The following TPR variants were observed in gnomAD, a reference collection of about 807,000 sequenced individuals.
TPR encodes translocated promoter region, nuclear basket protein.
In TPR, 51 loss-of-function variants were observed where a neutral mutation model predicts 316.1. The observed-to-expected ratio is 0.16, with a 90% CI of 0.13 to 0.20. The LOEUF (loss-of-function observed/expected upper bound fraction) is 0.20, where lower values mean the gene tolerates loss of function less well. TPR is among the 10% of genes least tolerant of loss of function. TPR has a pLI of 1.00. For missense variants in TPR, 2,272 were observed against 2,754.8 expected (o/e 0.82, Z 3.92); for synonymous variants, 981 against 914.7 (o/e 1.07, Z -1.31).
At chr1:186,369,642 G>T (rs1659458981) in intron 3 of TPR, among the ~76,000 whole-genome samples, 1 of 151,910 alleles carries the variant, frequency 6.6e-6, no homozygotes, top group East Asian at 1.9e-4. Context: ...GGTTTTTGTG[G>T]AATCTTTCAG....
At chr1:186,333,493 T>G (rs112917946) in intron 36 of TPR, 99 bp from the exon 37 acceptor site, 1 of 1,454,922 alleles carries the variant, frequency 6.9e-7, no homozygotes, top group East Asian at 2.3e-5. Context: ...TCACACAGAT[T>G]TGGCACTTGG....
At position 186,357,643 on chromosome 1, in the gene TPR, A is replaced by G; in HGVS notation, c.1498-20T>C. On this transcript the variant is annotated intron_variant, in intron 13 of 50. Transcript: ENST00000367478. The stretch of plus-strand genomic sequence containing the variant: ...TCTAATCTAAAAACAAAGTTTTAAT[A>G]TGTTATAAAATAGTATTAGTTACAA... The G allele has an allele frequency of 6.3e-7, 1 of 1,591,958 alleles. No homozygotes were observed. The highest frequency in any genetic ancestry group is 8.6e-7 in the Non-Finnish European group (1 of 1,166,600).
rs768003022 is a variant in TPR at position 186,363,007 on chromosome 1, G to T, written c.532-6C>A. 2.0e-5 allele frequency: 32 copies of T among 1,591,106 alleles called. No individual in the cohort carries two copies. The Admixed American group carries it at 5.5e-4, about 27-fold the overall frequency. On this transcript the variant is annotated splice_polypyrimidine_tract_variant and splice_region_variant and intron_variant, in intron 5 of 50. Coordinates refer to ENST00000367478, the MANE Select transcript of TPR (RefSeq NM_003292.3). ...TCCAAGCGTTTTTCTCGATACTAAA[G>T]AAATCCAAGAAAATAACACGTACAG...
At position 186,355,449 on chromosome 1, in the gene TPR, T is replaced by C. The variant is rs1183480002; in HGVS notation, c.2132A>G (p.Asn711Ser). 1 of 1,611,674 alleles carries C rather than the reference T, an allele frequency of 6.2e-7. No homozygotes were observed. Among genetic ancestry groups the C allele is most frequent in the Admixed American group, 1.7e-5 (1 of 59,498 alleles). The part of the protein sequence containing the change: ...QEQVTDLRSQ[N>S]TKISTQLDFA... ...ATCTAGCTGGGTAGAAATTTTGGTA[T>C]TTTGTGATCGCAAATCTGTAACTTG... The change falls in exon 17 of 51, where the codon AAT (asparagine) becomes AGT (serine). Residue 711 changes from asparagine to serine, a missense_variant. By Grantham distance (46) the Asn-to-Ser change is conservative (BLOSUM62 1). Around this residue, in one of 10 missense-constraint regions of TPR, gnomAD observed 757 missense variants for 859.8 expected, o/e 0.88. Coordinates refer to ENST00000367478, the MANE Select transcript of TPR (RefSeq NM_003292.3).
At chr1:186,360,239 A>G (rs1659142872) in intron 11 of TPR, 34 bp downstream of exon 11, 1 of 1,592,324 alleles carries the variant, frequency 6.3e-7, no homozygotes, top group African/African-American at 1.4e-5. Context: ...TTGCTGAAGA[A>G]AAAGAATTTA....
At chr1:186,371,107 T>G in intron 2 of TPR, 64 bp from the exon 3 acceptor site, 3 of 1,206,036 alleles carry the variant, frequency 2.5e-6, no homozygotes, top group Non-Finnish European at 3.7e-6. Flanking sequence ...AGTGTTTTTA[T>G]GCAACTGCCA....
intron 37 of TPR, among the ~76,000 whole-genome samples, chr1:186,332,647 T>C (rs1658201048): frequency 1.3e-5 from 2 of 152,162 alleles, no homozygotes; most frequent in South Asian, 2.1e-4. Context: ...TGTATTACTA[T>C]GTTGTTATCT....
intron 49 of TPR, among the ~76,000 whole-genome samples, chr1:186,315,046 C>T (rs1468449291): frequency 5.3e-5 from 8 of 151,742 alleles, no homozygotes; most frequent in Admixed American, 4.6e-4. Flanking sequence ...AACATGCCTA[C>T]AGTCCCAGTT....
chr1:186,321,614 C>T (rs1657779049), intron 45 of TPR, among the ~76,000 whole-genome samples: 1 of 152,184 alleles, frequency 6.6e-6, no homozygotes, highest in Non-Finnish European at 1.5e-5. Flanking sequence ...TGAAAATGCT[C>T]AATAAATGCT....
At position 186,313,562 on chromosome 1, in the gene TPR, A is replaced by G; in HGVS notation, c.*409T>C. 1.5e-6 allele frequency: 1 copy of G among 667,198 alleles called. No individual in the cohort carries two copies. Among genetic ancestry groups the G allele is most frequent in the African/African-American group, 1.8e-5 (1 of 55,018 alleles). The allele number at this position is 667,198 out of a possible 1,614,324, so 41.3% of individuals were successfully genotyped here. ...TGTTATAAAGTTCAAATTAATTAGT[A>G]AAAACATCTCTATTAAAATGATAAA... On this transcript the variant is annotated 3_prime_UTR_variant, in exon 51 of 51. Transcript: ENST00000367478.
intron 9 of TPR, among the ~76,000 whole-genome samples, chr1:186,361,260 T>TA (rs1486914896): frequency 6.6e-6 from 1 of 151,726 alleles, no homozygotes; most frequent in Non-Finnish European, 1.5e-5. Context: ...TTTGAGGAAA[T>TA]AAAAGACTTT....
chr1:186,338,397 A>G (rs1007983905), intron 30 of TPR, among the ~76,000 whole-genome samples, 154 bp from the exon 31 acceptor site: 4 of 152,184 alleles, frequency 2.6e-5, no homozygotes, highest in African/African-American at 9.7e-5. Context: ...GACCTTACGA[A>G]TTTACAGCCC....
chr1:186,328,430 C>A (rs1658062773), intron 39 of TPR, among the ~76,000 whole-genome samples: 1 of 151,960 alleles, frequency 6.6e-6, no homozygotes, highest in South Asian at 2.1e-4. Context: ...TTTAAAATTT[C>A]TACTAAGTCT....
chr1:186,374,582 G>A (rs1028083168), intron 1 of TPR, among the ~76,000 whole-genome samples: 2 of 152,206 alleles, frequency 1.3e-5, no homozygotes, highest in African/African-American at 4.8e-5. Flanking sequence ...TTAGAGAGAT[G>A]GGTTCGCAGA....
chr1:186,328,007 A>G (rs1207461996), intron 39 of TPR, among the ~76,000 whole-genome samples: 1 of 151,908 alleles, frequency 6.6e-6, no homozygotes, highest in East Asian at 1.9e-4. Context: ...CTGGTCTCGA[A>G]CTCCTGACTT....
intron 17 of TPR, 148 bp from the exon 18 acceptor site, chr1:186,353,998 T>A: frequency 1.6e-6 from 1 of 622,062 alleles, no homozygotes. Flanking sequence ...ATATTTCTGT[T>A]AAGTTGAATT....
intron 50 of TPR, 148 bp downstream of exon 50, chr1:186,314,481 T>G: frequency 1.9e-6 from 1 of 515,306 alleles, no homozygotes; most frequent in Non-Finnish European, 3.3e-6. Flanking sequence ...GTTTACAGAT[T>G]GGTAAATATC....
intron 18 of TPR, among the ~76,000 whole-genome samples, chr1:186,352,856 T>G (rs1163012588): frequency 6.6e-6 from 1 of 152,084 alleles, no homozygotes; most frequent in Non-Finnish European, 1.5e-5. Context: ...ACAGGTAAAA[T>G]GGGGGACAAC....
intron 33 of TPR, among the ~76,000 whole-genome samples, chr1:186,336,137 T>C (rs1430687644): frequency 4.6e-5 from 7 of 152,066 alleles, no homozygotes; most frequent in Non-Finnish European, 8.8e-5. Context: ...AAAAAATCCC[T>C]GGGCTGGTAA....
Sources: gnomAD v4.1 joint callset for allele counts (sites outside exome capture counted in the v4.1 genomes callset) on GRCh38, gnomAD v4.1.1 for gene constraint, gnomAD v4.1.1 regional missense constraint, MANE v1.5 for transcripts, NCBI Gene and HGNC (gene_info 2026-07-23, HGNC 2026-07-21) for gene names.